The following RNF182 variants were observed in gnomAD, a reference collection of about 807,000 sequenced individuals.
The protein encoded by RNF182 is E3 ubiquitin-protein ligase RNF182.
Under a neutral mutation model 14.4 loss-of-function variants are expected in RNF182, and 15 were observed. That is an observed-to-expected ratio of 1.04 (90% CI 0.70 to 1.60). The LOEUF (loss-of-function observed/expected upper bound fraction) is 1.60, where lower values mean the gene tolerates loss of function less well. Among genes scored for constraint, RNF182 ranks in the 40% most tolerant of loss-of-function variants. The pLI is 0.00. For synonymous variants in RNF182, 128 were observed against 122.9 expected (o/e 1.04, Z -0.27); for missense variants, 268 against 294.8 (o/e 0.91, Z 0.67).
At chr6:13,937,987 A>G (rs909299723) in intron 1 of RNF182, among the ~76,000 whole-genome samples, 5 of 137,172 alleles carry the variant, frequency 3.6e-5, no homozygotes, top group Non-Finnish European at 1.6e-5. Context: ...ATTAAAAAAG[A>G]TTATCTTTTT....
intron 1 of RNF182, among the ~76,000 whole-genome samples, chr6:13,934,492 C>T (rs1460124123): frequency 3.3e-5 from 5 of 152,180 alleles, no homozygotes; most frequent in South Asian, 2.1e-4. Context: ...TCTATACCTT[C>T]GCCTATTTTT....
intron 1 of RNF182, among the ~76,000 whole-genome samples, chr6:13,972,687 G>A (rs113458023): frequency 1.3e-5 from 2 of 152,146 alleles, no homozygotes; most frequent in Non-Finnish European, 1.5e-5. Context: ...GCTTCCATGC[G>A]GCATTGAGCC....
intron 1 of RNF182, chr6:13,949,689 C>G (rs892139350): frequency 5.1e-5 from 14 of 276,380 alleles, no homozygotes; most frequent in Non-Finnish European, 1.0e-4. Flanking sequence ...ACTTGTTTCT[C>G]AGTTATTGAA....
intron 2 of RNF182, among the ~76,000 whole-genome samples, chr6:13,975,491 A>C (rs993172045): frequency 1.3e-5 from 2 of 152,322 alleles, no homozygotes; most frequent in East Asian, 3.9e-4. Context: ...TCCTACCTAC[A>C]TTTTTGGCTA....
At chr6:13,932,873 A>G (rs1208185712) in intron 1 of RNF182, among the ~76,000 whole-genome samples, 2 of 152,230 alleles carry the variant, frequency 1.3e-5, no homozygotes, top group Non-Finnish European at 2.9e-5. Flanking sequence ...ATTTAATTCT[A>G]AACCTTCTCT....
rs1033027435 is a variant in RNF182, at chr6:13,979,427, G to T, written c.*1564G>T. 1 of 166,930 alleles carries T rather than the reference G, an allele frequency of 6.0e-6. No individual in the cohort carries two copies. Among genetic ancestry groups the T allele is most frequent in the Non-Finnish European group, 1.5e-5 (1 of 68,096 alleles). 10.3% of individuals were successfully genotyped at this position (166,930 alleles called of 1,614,324 possible). A position where few individuals can be genotyped will look rare whatever the true frequency, so the allele number is the denominator to read the frequency against. On this transcript the variant is annotated 3_prime_UTR_variant, in exon 3 of 3. Transcript: ENST00000488300. ...TTGTTGTGTGATGCAGGTACAGTGC[G>T]CCCATTCCAACTGGAATAGCAGTTT... is the stretch of plus-strand genomic sequence containing the variant.
intron 1 of RNF182, among the ~76,000 whole-genome samples, chr6:13,932,103 A>G (rs1325073393): frequency 6.6e-6 from 1 of 152,192 alleles, no homozygotes; most frequent in African/African-American, 2.4e-5. Context: ...TAAGCCATTC[A>G]GCATATGGTA....
intron 1 of RNF182, among the ~76,000 whole-genome samples, chr6:13,966,690 G>A (rs955823278): frequency 1.3e-5 from 2 of 152,070 alleles, no homozygotes; most frequent in Non-Finnish European, 2.9e-5. Context: ...TTGACCCCGC[G>A]GGGTGGAGGT....
intron 1 of RNF182, among the ~76,000 whole-genome samples, chr6:13,942,857 A>G (rs1244459794): frequency 6.6e-6 from 1 of 151,940 alleles, no homozygotes; most frequent in East Asian, 1.9e-4. Flanking sequence ...TAATGTTCTC[A>G]TCTTCTGTTC....
intron 1 of RNF182, among the ~76,000 whole-genome samples, chr6:13,957,472 G>T (rs1279559923): frequency 6.6e-6 from 1 of 152,088 alleles, no homozygotes; most frequent in African/African-American, 2.4e-5. Flanking sequence ...AAACCTTTTT[G>T]CCCATTATTA....
intron 1 of RNF182, among the ~76,000 whole-genome samples, chr6:13,965,760 C>T (rs1760007786): frequency 6.6e-6 from 1 of 152,154 alleles, no homozygotes; most frequent in African/African-American, 2.4e-5. Flanking sequence ...ATGAGTATTG[C>T]CAAGGAAGAA....
intron 1 of RNF182, among the ~76,000 whole-genome samples, chr6:13,943,721 C>T (rs1239694368): frequency 3.9e-5 from 6 of 152,072 alleles, no homozygotes; most frequent in Non-Finnish European, 7.4e-5. Context: ...GTTTTGCAGC[C>T]GACACTTTTA....
chr6:13,972,126 C>T (rs1398042367), intron 1 of RNF182, among the ~76,000 whole-genome samples: 1 of 151,676 alleles, frequency 6.6e-6, no homozygotes, highest in Admixed American at 6.6e-5. Flanking sequence ...CGGTGAAACC[C>T]CGTCTACTAA....
chr6:13,931,452 T>A (rs1029958425), intron 1 of RNF182, among the ~76,000 whole-genome samples: 1 of 152,122 alleles, frequency 6.6e-6, no homozygotes, highest in Non-Finnish European at 1.5e-5. Flanking sequence ...GTATCAGGGA[T>A]GAAGTTAGAA....
chr6:13,950,639 G>A (rs1272170883), intron 1 of RNF182, among the ~76,000 whole-genome samples: 1 of 151,660 alleles, frequency 6.6e-6, no homozygotes. Context: ...TGGGATTACA[G>A]GCACACACCA....
chr6:13,962,960 C>T (rs1759918108), intron 1 of RNF182, among the ~76,000 whole-genome samples: 1 of 152,124 alleles, frequency 6.6e-6, no homozygotes, highest in South Asian at 2.1e-4. Flanking sequence ...ATCACAGTGA[C>T]AGCTCTGTTT....
intron 1 of RNF182, among the ~76,000 whole-genome samples, chr6:13,946,515 C>T (rs1759445572): frequency 6.6e-6 from 1 of 152,162 alleles, no homozygotes; most frequent in Admixed American, 6.5e-5. Flanking sequence ...GATATCAGGA[C>T]ATCAGGACAT....
chr6:13,962,357 A>G (rs1242811880), intron 1 of RNF182, among the ~76,000 whole-genome samples: 1 of 152,220 alleles, frequency 6.6e-6, no homozygotes, highest in Non-Finnish European at 1.5e-5. Flanking sequence ...TACTTTATCA[A>G]TAGCTGAGCG....
At chr6:13,966,445 G>A (rs1760029627) in intron 1 of RNF182, among the ~76,000 whole-genome samples, 1 of 152,072 alleles carries the variant, frequency 6.6e-6, no homozygotes, top group Admixed American at 6.5e-5. Context: ...TGTTTTAATT[G>A]GAAAATTGTC....
Sources: gnomAD v4.1 joint callset for allele counts (sites outside exome capture counted in the v4.1 genomes callset) on GRCh38, gnomAD v4.1.1 for gene constraint, MANE v1.5 for transcripts, NCBI Gene and HGNC (gene_info 2026-07-23, HGNC 2026-07-21) for gene names.